Variants in CDH4 observed in about 807,000 individuals in gnomAD.
CDH4 encodes cadherin 4, also known as cadherin-4.
CDH4 carries 33 observed loss-of-function variants against 86.0 expected under a neutral mutation model. The observed-to-expected ratio is 0.38, with a 90% CI of 0.29 to 0.51. The LOEUF is 0.51. Ranked by LOEUF, CDH4 falls within the 20% of genes least tolerant of loss-of-function variation. The pLI is 0.86. For missense variants in CDH4, 1,114 were observed against 1,307.4 expected, an observed-to-expected ratio of 0.85 and a Z score of 2.28; for synonymous variants, 555 against 549.4, an observed-to-expected ratio of 1.01 and a Z score of -0.14.
chr20:61,304,445 G>T (rs551562638), intron 2 of CDH4, among the ~76,000 whole-genome samples: 2 of 152,180 alleles, frequency 1.3e-5, no homozygotes, highest in Non-Finnish European at 2.9e-5. Flanking sequence ...TTCTCTAAAC[G>T]ATGAGCCCCT....
intron 2 of CDH4, among the ~76,000 whole-genome samples, chr20:61,673,221 T>G (rs536834043): frequency 6.6e-6 from 1 of 152,276 alleles, no homozygotes; most frequent in East Asian, 1.9e-4. Flanking sequence ...CTGAGATGTT[T>G]TTGGCCACCA....
At chr20:61,687,208 C>A (rs891901788) in intron 2 of CDH4, among the ~76,000 whole-genome samples, 1 of 152,342 alleles carries the variant, frequency 6.6e-6, no homozygotes, top group Admixed American at 6.5e-5. Context: ...CCTCCTCTCC[C>A]GCTCCACAGC....
chr20:61,331,572 T>TGCCCCAGGCCCACCTCCTGCCCC (rs2084572929), intron 2 of CDH4, among the ~76,000 whole-genome samples: 3 of 8,648 alleles, frequency 3.5e-4, no homozygotes, highest in African/African-American at 1.5e-3. Flanking sequence ...ACCTCCTGCC[T>TGCCCCAGGCCCACCTCCTGCCCC]GACCACCTGC....
At chr20:61,743,291 A>G (rs1041631820) in intron 2 of CDH4, among the ~76,000 whole-genome samples, 1 of 152,218 alleles carries the variant, frequency 6.6e-6, no homozygotes, top group Non-Finnish European at 1.5e-5. Flanking sequence ...GGCAAGGGAG[A>G]GATGCGTTTG....
intron 4 of CDH4, among the ~76,000 whole-genome samples, chr20:61,801,983 G>C (rs1369235342): frequency 1.3e-5 from 2 of 152,256 alleles, no homozygotes; most frequent in Non-Finnish European, 2.9e-5. Flanking sequence ...GATTCAGCCA[G>C]CCTTGCTGCC....
chr20:61,357,526 C>A (rs927877504), intron 2 of CDH4, among the ~76,000 whole-genome samples: 4 of 152,188 alleles, frequency 2.6e-5, no homozygotes, highest in Non-Finnish European at 5.9e-5. Context: ...CTTTATGTTT[C>A]TCTTCTTACC....
At chr20:61,294,637 C>A (rs562033128) in intron 2 of CDH4, among the ~76,000 whole-genome samples, 2 of 152,336 alleles carry the variant, frequency 1.3e-5, no homozygotes, top group South Asian at 2.1e-4. Context: ...CCAGGCCTTA[C>A]ACCTGGCCTG....
chr20:61,852,019 C>T (rs1460425369), intron 5 of CDH4, among the ~76,000 whole-genome samples: 1 of 152,248 alleles, frequency 6.6e-6, no homozygotes, highest in Non-Finnish European at 1.5e-5. Flanking sequence ...CTGAGAAGCT[C>T]CTGCGGAACC....
intron 2 of CDH4, among the ~76,000 whole-genome samples, chr20:61,526,790 G>C (rs1356400694): frequency 6.6e-6 from 1 of 151,816 alleles, no homozygotes; most frequent in Non-Finnish European, 1.5e-5. Context: ...CCTAAATAGA[G>C]CTTTATTTTT....
At chr20:61,321,023 C>T (rs2084505176) in intron 2 of CDH4, among the ~76,000 whole-genome samples, 1 of 152,084 alleles carries the variant, frequency 6.6e-6, no homozygotes, top group Non-Finnish European at 1.5e-5. Context: ...GCCTTTTAAA[C>T]CCCCGGGTCC....
intron 2 of CDH4, among the ~76,000 whole-genome samples, chr20:61,723,677 G>A (rs958150099): frequency 1.3e-5 from 2 of 152,202 alleles, no homozygotes; most frequent in Non-Finnish European, 2.9e-5. Flanking sequence ...AGGGCTGTGC[G>A]GTGCAGAGAG....
chr20:61,391,060 C>T (rs936017470), intron 2 of CDH4, among the ~76,000 whole-genome samples: 2 of 152,314 alleles, frequency 1.3e-5, no homozygotes, highest in Middle Eastern at 3.4e-3. Context: ...CAGCACACTG[C>T]TCCTGTCTGC....
chr20:61,628,836 G>A (rs2086856545), intron 2 of CDH4, among the ~76,000 whole-genome samples: 1 of 152,250 alleles, frequency 6.6e-6, no homozygotes, highest in African/African-American at 2.4e-5. Context: ...ACAGACAAGT[G>A]TGTGGGGACA....
chr20:61,315,241 C>T (rs2427071), intron 2 of CDH4, among the ~76,000 whole-genome samples: 18,547 of 152,092 alleles, frequency 0.12, 1,192 homozygotes, highest in East Asian at 0.23. Flanking sequence ...CAGTGAGATG[C>T]TCATGGCTTT....
Position 61,676,853 on chromosome 20 carries a change from GCTGGGTGGCCTTTGCCAGGGGAGGCCTGA to G in CDH4, c.170-66698_170-66670del, listed in dbSNP as rs1219892042. Among the ~76,000 whole-genome samples, 7 of 152,164 alleles carry G rather than the reference GCTGGGTGGCCTTTGCCAGGGGAGGCCTGA, an allele frequency of 4.6e-5. No homozygotes were observed. The highest frequency in any genetic ancestry group is 3.9e-4 in the Admixed American group (6 of 15,282). ...CCAAGGGGAGGTCAGGGGAGGCCTGGCTGGGTGGCCTTTGCCAGGGGAGGCCTGACTGGGTGGCCTCTGCTGGAGGACCT... is the reference window on the plus strand; with the variant it reads ...CCAAGGGGAGGTCAGGGGAGGCCTGGCTGGGTGGCCTCTGCTGGAGGACCT... On this transcript the variant is annotated intron_variant, in intron 2 of 15. Transcript: ENST00000614565. The surrounding 1 kb of genome is among the most constrained non-coding windows in gnomAD (Gnocchi z 4.5).
At chr20:61,408,649 G>A (rs1383488789) in intron 2 of CDH4, among the ~76,000 whole-genome samples, 2 of 152,178 alleles carry the variant, frequency 1.3e-5, no homozygotes, top group Non-Finnish European at 2.9e-5. Flanking sequence ...TGGGGTGCGT[G>A]GAGGTGAGGC....
chr20:61,633,472 T>C (rs773547986), intron 2 of CDH4, among the ~76,000 whole-genome samples: 2 of 152,006 alleles, frequency 1.3e-5, no homozygotes, highest in South Asian at 2.1e-4. Flanking sequence ...TATTCACCCA[T>C]TCATCCTATC....
intron 2 of CDH4, among the ~76,000 whole-genome samples, chr20:61,560,430 T>C (rs184938514): frequency 6.6e-6 from 1 of 152,324 alleles, no homozygotes; most frequent in East Asian, 1.9e-4. Context: ...TTTAAGCTTA[T>C]TTGAAACTTT....
intron 2 of CDH4, 113 bp downstream of exon 2, chr20:61,255,050 T>C: frequency 4.2e-6 from 3 of 721,972 alleles, no homozygotes; most frequent in Admixed American, 2.0e-5. Context: ...TGTGAAATGA[T>C]GGTGGTGAAG....
Sources: allele counts gnomAD v4.1 joint callset (sites outside exome capture counted in the v4.1 genomes callset), GRCh38; gene constraint gnomAD v4.1.1; non-coding constraint Gnocchi (gnomAD v3.1); transcripts MANE v1.5; gene names NCBI Gene and HGNC (gene_info 2026-07-23, HGNC 2026-07-21).